TNKS: variants seen among roughly 807,000 people sequenced by gnomAD.
TNKS encodes tankyrase.
In TNKS, 72 loss-of-function variants were observed where a neutral mutation model predicts 135.8. The observed-to-expected ratio is 0.53, with a 90% CI of 0.44 to 0.64. The LOEUF is 0.64. Ranked by LOEUF, TNKS falls within the 30% of genes least tolerant of loss-of-function variation. The pLI is 0.00. For synonymous variants in TNKS, 849 were observed against 649.3 expected (o/e 1.31, Z -4.68); for missense variants, 1,769 against 1,674.0 (o/e 1.06, Z -0.99).
intron 11 of TNKS, among the ~76,000 whole-genome samples, chr8:9,719,051 G>C (rs1381342432): frequency 1.3e-5 from 2 of 152,174 alleles, no homozygotes; most frequent in African/African-American, 2.4e-5. Flanking sequence ...CAAAATTCAA[G>C]TTAGTTTGGT....
intron 11 of TNKS, among the ~76,000 whole-genome samples, chr8:9,719,463 A>G (rs1391878435): frequency 6.6e-6 from 1 of 152,236 alleles, no homozygotes. Flanking sequence ...CAATAAACAA[A>G]AATTACCCCA....
chr8:9,609,940 C>T (rs899312441), intron 2 of TNKS, among the ~76,000 whole-genome samples: 1 of 152,154 alleles, frequency 6.6e-6, no homozygotes. Flanking sequence ...TCACTGCAAG[C>T]TCCACCTCCC....
chr8:9,696,471 G>A (rs180868547), intron 5 of TNKS, among the ~76,000 whole-genome samples: 8 of 151,948 alleles, frequency 5.3e-5, no homozygotes, highest in South Asian at 2.1e-4. Context: ...AGAAATAAAA[G>A]GCATCTGGAT....
intron 1 of TNKS, among the ~76,000 whole-genome samples, chr8:9,564,007 A>G (rs571712469): frequency 6.6e-6 from 1 of 152,338 alleles, no homozygotes; most frequent in Non-Finnish European, 1.5e-5. Flanking sequence ...GAATAGATCA[A>G]GTCTCTCAGT....
intron 3 of TNKS, among the ~76,000 whole-genome samples, chr8:9,672,813 A>G (rs1802358415): frequency 6.6e-6 from 1 of 151,614 alleles, no homozygotes; most frequent in African/African-American, 2.4e-5. Context: ...CTGAGCTCCC[A>G]GACTGAACAC....
At chr8:9,659,473 T>G (rs1459623565) in intron 3 of TNKS, among the ~76,000 whole-genome samples, 1 of 152,064 alleles carries the variant, frequency 6.6e-6, no homozygotes, top group African/African-American at 2.4e-5. Flanking sequence ...AACAACCTGC[T>G]CCCTAATGAC....
Position 9,733,386 on chromosome 8 carries a change from C to T in TNKS, c.2255C>T (p.Thr752Ile), listed in dbSNP as rs1434607936. 6.2e-7 allele frequency: 1 copy of T among 1,613,374 alleles called. No homozygotes were observed. The stretch of plus-strand genomic sequence containing the variant: ...AATGTGGCGGACTTATGGAAATTTA[C>T]CCCTCTCCATGAAGCAGCAGCTAAA... The part of the protein sequence containing the change: ...SVNVADLWKF[T>I]PLHEAAAKGK... The change falls in exon 15 of 27, where the codon ACC (threonine) becomes ATC (isoleucine). Residue 752 changes from threonine (T) to isoleucine (I), a missense_variant. Physicochemically the swap from Thr to Ile is moderately conservative, Grantham distance 89. Coordinates refer to ENST00000310430, the MANE Select transcript of TNKS (RefSeq NM_003747.3).
chr8:9,603,784 T>G (rs1376317305), intron 2 of TNKS, among the ~76,000 whole-genome samples: 1 of 152,148 alleles, frequency 6.6e-6, no homozygotes, highest in African/African-American at 2.4e-5. Context: ...GAAATGTTTA[T>G]CTTATGTTCT....
At chr8:9,754,656 T>C (rs1297750804) in intron 20 of TNKS, among the ~76,000 whole-genome samples, 1 of 152,228 alleles carries the variant, frequency 6.6e-6, no homozygotes, top group East Asian at 1.9e-4. Flanking sequence ...AAAATTGGGC[T>C]GAATGACATT....
In TNKS at chr8:9,748,033, A is replaced by C. The variant is rs1806324105; in HGVS notation, c.2653A>C (p.Ile885Leu). Reference protein sequence around the residue: ...HNAASYGHVDIAALLIKYNTC... With the variant: ...HNAASYGHVDLAALLIKYNTC... The stretch of plus-strand genomic sequence containing the variant: ...TTTTCTTTTTTTTCAGCATGTTGAC[A>C]TAGCGGCTTTATTGATAAAATACAA... Residue 885 changes from isoleucine to leucine, a missense_variant, in exon 18 of 27, where the codon ATA becomes CTA. Physicochemically the swap from Ile to Leu is conservative, Grantham distance 5. Coordinates refer to ENST00000310430, the MANE Select transcript of TNKS (RefSeq NM_003747.3). 1 of 1,608,094 alleles carries C rather than the reference A, an allele frequency of 6.2e-7. No individual in the cohort carries two copies. Among genetic ancestry groups the C allele is most frequent in the Admixed American group, 1.7e-5 (1 of 58,590 alleles).
intron 20 of TNKS, among the ~76,000 whole-genome samples, chr8:9,756,948 G>A (rs1806862426): frequency 6.6e-6 from 1 of 151,708 alleles, no homozygotes. Context: ...AGGGCCTTTG[G>A]TATACTTTTT....
intron 3 of TNKS, among the ~76,000 whole-genome samples, chr8:9,661,463 G>T (rs1331798367): frequency 6.6e-6 from 1 of 151,980 alleles, no homozygotes; most frequent in African/African-American, 2.4e-5. Context: ...TGACAAGCCT[G>T]ACAAAAACAA....
intron 3 of TNKS, among the ~76,000 whole-genome samples, chr8:9,672,703 C>A (rs1473357657): frequency 5.2e-5 from 6 of 114,760 alleles, no homozygotes; most frequent in African/African-American, 1.3e-4. Flanking sequence ...CACACACACA[C>A]ACACACACAA....
chr8:9,657,058 CTT>C (rs1801413111), intron 3 of TNKS, among the ~76,000 whole-genome samples: 1 of 123,086 alleles, frequency 8.1e-6, no homozygotes, highest in South Asian at 3.3e-4. Context: ...ATTTCTCAAT[CTT>C]TTCCCCACCT....
chr8:9,583,876 TG>T (rs1431122561), intron 2 of TNKS, among the ~76,000 whole-genome samples: 1 of 151,568 alleles, frequency 6.6e-6, no homozygotes, highest in African/African-American at 2.4e-5. Flanking sequence ...ATATAAGATC[TG>T]GGAGTCGGAG....
chr8:9,721,312 AAAAT>A (rs1804872350), intron 12 of TNKS, among the ~76,000 whole-genome samples: 1 of 144,666 alleles, frequency 6.9e-6, no homozygotes, highest in African/African-American at 2.5e-5. Flanking sequence ...ATATATATAT[AAAAT>A]TATAAAATTT....
intron 12 of TNKS, among the ~76,000 whole-genome samples, chr8:9,721,548 C>A (rs1381003835): frequency 6.6e-6 from 1 of 150,588 alleles, no homozygotes; most frequent in African/African-American, 2.4e-5. Flanking sequence ...AATGACAAAC[C>A]AGAAGAGTAA....
intron 3 of TNKS, among the ~76,000 whole-genome samples, chr8:9,673,523 C>A (rs376731575): frequency 4.0e-5 from 6 of 148,428 alleles, no homozygotes; most frequent in African/African-American, 1.5e-4. Context: ...CAGCTCACTG[C>A]AACCTCTGCC....
intron 3 of TNKS, among the ~76,000 whole-genome samples, chr8:9,630,260 A>G (rs1329317115): frequency 6.6e-6 from 1 of 152,210 alleles, no homozygotes; most frequent in Non-Finnish European, 1.5e-5. Context: ...TGTTAAATGA[A>G]TGATCATTCC....
Sources: gnomAD v4.1 joint callset for allele counts (sites outside exome capture counted in the v4.1 genomes callset) on GRCh38, gnomAD v4.1.1 for gene constraint, MANE v1.5 for transcripts, NCBI Gene and HGNC (gene_info 2026-07-23, HGNC 2026-07-21) for gene names.